The following FTCDNL1 variants were observed in gnomAD, a reference collection of about 807,000 sequenced individuals.
FTCDNL1 encodes formiminotransferase cyclodeaminase N-terminal like.
FTCDNL1 carries 11 observed loss-of-function variants against 5.9 expected under a neutral mutation model. That is an observed-to-expected ratio of 1.87 (90% confidence interval 1.18 to 3.10). FTCDNL1 has a LOEUF of 3.10. FTCDNL1 is among the 30% of genes most tolerant of loss of function. FTCDNL1 has a pLI of 0.00. For synonymous variants in FTCDNL1, 58 were observed against 24.8 expected (o/e 2.34, Z -3.99); for missense variants, 115 against 65.5 (o/e 1.76, Z -2.61).
At chr2:199,711,864 G>A in the FTCDNL1 span, among the ~76,000 whole-genome samples, 1 of 152,082 alleles carries the variant, frequency 6.6e-6, no homozygotes, top group Admixed American at 6.6e-5. Flanking sequence ...ACATTGAGAG[G>A]AGCAGTGATG....
At chr2:199,729,120 T>G in the FTCDNL1 span, among the ~76,000 whole-genome samples, 1 of 152,210 alleles carries the variant, frequency 6.6e-6, no homozygotes, top group Non-Finnish European at 1.5e-5. Flanking sequence ...ACGGAATACA[T>G]GACATTTGGA....
the FTCDNL1 span, among the ~76,000 whole-genome samples, chr2:199,677,181 G>A: frequency 1.3e-5 from 2 of 152,234 alleles, no homozygotes; most frequent in East Asian, 1.9e-4. Flanking sequence ...CTTTTCAAAC[G>A]AAGCTATAGC....
At chr2:199,754,869 T>C in the FTCDNL1 span, among the ~76,000 whole-genome samples, 1 of 152,250 alleles carries the variant, frequency 6.6e-6, no homozygotes, top group African/African-American at 2.4e-5. Flanking sequence ...TTAAACTATA[T>C]ATATGTTTCT....
At chr2:199,717,411 T>G in the FTCDNL1 span, among the ~76,000 whole-genome samples, 1 of 151,958 alleles carries the variant, frequency 6.6e-6, no homozygotes, top group Non-Finnish European at 1.5e-5. Flanking sequence ...ACTTCCCTCC[T>G]TATGTTTCTT....
intron 3 of FTCDNL1, among the ~76,000 whole-genome samples, chr2:199,798,986 G>C (rs1441278880): frequency 1.3e-5 from 2 of 152,176 alleles, no homozygotes; most frequent in Non-Finnish European, 2.9e-5. Flanking sequence ...GAGTCTGTGA[G>C]GAAATCTTGT....
At chr2:199,804,750 C>T (rs1700636374), downstream of FTCDNL1, among the ~76,000 whole-genome samples, 1 of 152,204 alleles carries the variant, frequency 6.6e-6, no homozygotes. Context: ...TCCATTTCCC[C>T]CAGTCCCATT....
the FTCDNL1 span, among the ~76,000 whole-genome samples, chr2:199,739,005 C>T: frequency 6.6e-6 from 1 of 152,176 alleles, no homozygotes; most frequent in Non-Finnish European, 1.5e-5. Flanking sequence ...AATTCTCAGT[C>T]ACAGGAAGCC....
At chr2:199,814,094 C>T (rs1480644761) in intron 4 of FTCDNL1, among the ~76,000 whole-genome samples, 1 of 152,072 alleles carries the variant, frequency 6.6e-6, no homozygotes, top group African/African-American at 2.4e-5. Context: ...AGACTCAGAA[C>T]TCAGGTTCAA....
chr2:199,726,918 T>C, the FTCDNL1 span, among the ~76,000 whole-genome samples: 238 of 152,316 alleles, frequency 1.6e-3, no homozygotes, highest in Non-Finnish European at 2.5e-3. Context: ...TAATGAAGCA[T>C]TCTGGCTGCC....
At chr2:199,673,203 C>T in the FTCDNL1 span, among the ~76,000 whole-genome samples, 6 of 151,822 alleles carry the variant, frequency 4.0e-5, no homozygotes, top group African/African-American at 1.5e-4. Flanking sequence ...TGGCATGTGC[C>T]TGTAATCCCA....
At chr2:199,664,729 C>T in the FTCDNL1 span, among the ~76,000 whole-genome samples, 15 of 152,282 alleles carry the variant, frequency 9.9e-5, no homozygotes, top group South Asian at 2.1e-4. Context: ...TAATTAATGG[C>T]GGAGCCAAGG....
At chr2:199,682,884 CAGTG>C in the FTCDNL1 span, among the ~76,000 whole-genome samples, 1 of 152,258 alleles carries the variant, frequency 6.6e-6, no homozygotes, top group East Asian at 1.9e-4. Context: ...GAATGATTAA[CAGTG>C]AGAATTCTTC....
the FTCDNL1 span, among the ~76,000 whole-genome samples, chr2:199,725,847 C>A: frequency 6.6e-6 from 1 of 152,130 alleles, no homozygotes; most frequent in African/African-American, 2.4e-5. Context: ...CTTGGAAAAT[C>A]TGATGATTAT....
the FTCDNL1 span, among the ~76,000 whole-genome samples, chr2:199,698,041 G>T: frequency 6.6e-6 from 1 of 152,100 alleles, no homozygotes; most frequent in Non-Finnish European, 1.5e-5. Flanking sequence ...ACAAAGAAGG[G>T]CATTACATAG....
the FTCDNL1 span, among the ~76,000 whole-genome samples, chr2:199,746,192 C>G: frequency 6.6e-6 from 1 of 152,186 alleles, no homozygotes; most frequent in Non-Finnish European, 1.5e-5. Context: ...TTAATCATCC[C>G]TTTGCATCTT....
the FTCDNL1 span, among the ~76,000 whole-genome samples, chr2:199,691,844 TAAA>T: frequency 6.6e-6 from 1 of 151,722 alleles, no homozygotes; most frequent in East Asian, 1.9e-4. Flanking sequence ...TCTAATAACT[TAAA>T]AAAAACAAAT....
At chr2:199,707,933 A>G in the FTCDNL1 span, among the ~76,000 whole-genome samples, 112,535 of 151,894 alleles carry the variant, frequency 0.74, 42,308 homozygotes, top group South Asian at 0.9. Context: ...TTTTCTTTAC[A>G]TTTGTACTGT....
At chr2:199,816,953 C>T (rs189315214) in intron 4 of FTCDNL1, among the ~76,000 whole-genome samples, 12 of 152,256 alleles carry the variant, frequency 7.9e-5, no homozygotes, top group South Asian at 4.2e-4. Flanking sequence ...CTATTTTGCC[C>T]GCTGGTGATA....
At chr2:199,692,700 C>T in the FTCDNL1 span, among the ~76,000 whole-genome samples, 1 of 152,184 alleles carries the variant, frequency 6.6e-6, no homozygotes, top group Non-Finnish European at 1.5e-5. Context: ...CCCAAAAACT[C>T]CAGTCCTTGA....
Sources: gnomAD v4.1 joint callset for allele counts (sites outside exome capture counted in the v4.1 genomes callset) on GRCh38, gnomAD v4.1.1 for gene constraint, MANE v1.5 for transcripts, NCBI Gene and HGNC (gene_info 2026-07-23, HGNC 2026-07-21) for gene names.